The following ACAD10 variants were observed in gnomAD, a reference collection of about 807,000 sequenced individuals.
ACAD10 encodes the protein ACAD-10.
In ACAD10, 112 loss-of-function variants were observed where a neutral mutation model predicts 116.8. The observed-to-expected ratio is 0.96, with a 90% CI of 0.82 to 1.12. ACAD10 has a LOEUF of 1.12. Ranked by LOEUF, ACAD10 falls within the 50% of genes most tolerant of loss-of-function variation. The pLI is 0.00. For missense variants in ACAD10, 1,259 were observed against 1,350.2 expected, an observed-to-expected ratio of 0.93 and a Z score of 1.06; for synonymous variants, 486 against 510.6, an observed-to-expected ratio of 0.95 and a Z score of 0.65.
At chr12:111,708,361 G>A (rs1888571382) in intron 4 of ACAD10, among the ~76,000 whole-genome samples, 1 of 151,988 alleles carries the variant, frequency 6.6e-6, no homozygotes, top group African/African-American at 2.4e-5. Context: ...TCTTGTCTCA[G>A]CCAGTACAGC....
intron 8 of ACAD10, among the ~76,000 whole-genome samples, chr12:111,726,159 C>T: frequency 6.6e-6 from 1 of 152,080 alleles, no homozygotes; most frequent in East Asian, 1.9e-4. Context: ...GAGGCTGAAG[C>T]AGGAGAATCA....
intron 2 of ACAD10, among the ~76,000 whole-genome samples, chr12:111,698,082 T>C (rs1888241545): frequency 6.6e-6 from 1 of 151,034 alleles, no homozygotes; most frequent in African/African-American, 2.4e-5. Context: ...GTAACCTCTG[T>C]CTCCCTGGTT....
chr12:111,701,803 T>G (rs899865729), intron 2 of ACAD10, among the ~76,000 whole-genome samples: 1 of 152,232 alleles, frequency 6.6e-6, no homozygotes, highest in Non-Finnish European at 1.5e-5. Context: ...AGGATCTGGC[T>G]TCTTCCTTCA....
At chr12:111,750,397 G>A (rs1003569941) in intron 18 of ACAD10, among the ~76,000 whole-genome samples, 15 of 152,068 alleles carry the variant, frequency 9.9e-5, no homozygotes, top group East Asian at 7.7e-4. Flanking sequence ...TGGGATTACC[G>A]GCGTGAGCCA....
In ACAD10 at chr12:111,736,897, G is replaced by A; in HGVS notation, c.1607G>A (p.Cys536Tyr). The A allele has an allele frequency of 1.2e-6, 2 of 1,614,174 alleles. No homozygotes were observed. Among genetic ancestry groups the A allele is most frequent in the Non-Finnish European group, 8.5e-7 (1 of 1,180,022 alleles). The change falls in exon 12 of 21, where the codon TGT (cysteine) becomes TAT (tyrosine). Residue 536 changes from cysteine to tyrosine, a missense_variant. Cys to Tyr is a radical substitution (Grantham distance 194). Coordinates refer to ENST00000313698, the MANE Select transcript of ACAD10 (RefSeq NM_025247.6). ...GCAGAGGAGTATTTCAGGATGTACT[G>A]TCTCCAAATGGGGCTCCCTCCCACT... ...PAAEEYFRMY[C>Y]LQMGLPPTEN... is the part of the protein sequence containing the mutation.
At chr12:111,720,846 C>T (rs1888995191) in intron 7 of ACAD10, among the ~76,000 whole-genome samples, 1 of 151,746 alleles carries the variant, frequency 6.6e-6, no homozygotes, top group South Asian at 2.1e-4. Flanking sequence ...CACAGTGGAG[C>T]GATCTTGGCT....
At chr12:111,730,091 C>A in intron 10 of ACAD10, 135 bp downstream of exon 10, 1 of 1,293,814 alleles carries the variant, frequency 7.7e-7, no homozygotes. Flanking sequence ...GTGGCCTTTT[C>A]AGGCAGGGTT....
At chr12:111,749,396 C>A in intron 18 of ACAD10, 51 bp downstream of exon 18, 5 of 1,570,184 alleles carry the variant, frequency 3.2e-6, no homozygotes, top group Non-Finnish European at 4.3e-6. Flanking sequence ...CCACCTTCTG[C>A]TTTGCTGTCG....
chr12:111,725,229 C>T (rs572267500), intron 8 of ACAD10, among the ~76,000 whole-genome samples: 25 of 151,976 alleles, frequency 1.6e-4, no homozygotes, highest in Non-Finnish European at 2.4e-4. Flanking sequence ...AGACATTGAC[C>T]GGGCATAGTG....
At position 111,735,183 on chromosome 12, in the gene ACAD10, C is replaced by T. The variant is rs923344015; in HGVS notation, c.1540+1115C>T. ...AGCTTGCAATGAGCTGAGATGGCGCCACTGCACTCGAGCCTAGGCAACAGA... is the reference window on the plus strand; with the variant it reads ...AGCTTGCAATGAGCTGAGATGGCGCTACTGCACTCGAGCCTAGGCAACAGA... On this transcript the variant is annotated intron_variant, in intron 11 of 20. Coordinates refer to ENST00000313698, the MANE Select transcript of ACAD10 (RefSeq NM_025247.6). Among the ~76,000 whole-genome samples the T allele has an allele frequency of 8.2e-5, 12 of 147,218 alleles. 1 individual carries two copies. The highest frequency in any genetic ancestry group is 6.8e-4 in the Admixed American group (10 of 14,660).
chr12:111,751,315 T>A (rs1566170004), intron 18 of ACAD10, among the ~76,000 whole-genome samples: 1 of 151,146 alleles, frequency 6.6e-6, no homozygotes, highest in East Asian at 1.9e-4. Flanking sequence ...CACTTAAATT[T>A]AAAAAAAAAG....
At chr12:111,725,025 AG>A (rs1639102430) in intron 8 of ACAD10, among the ~76,000 whole-genome samples, 1 of 152,220 alleles carries the variant, frequency 6.6e-6, no homozygotes, top group Non-Finnish European at 1.5e-5. Context: ...AGGTGAAAGA[AG>A]AAAAACTAAT....
At chr12:111,706,522 T>A (rs1385610683) in intron 4 of ACAD10, among the ~76,000 whole-genome samples, 1 of 152,130 alleles carries the variant, frequency 6.6e-6, no homozygotes, top group Non-Finnish European at 1.5e-5. Context: ...CAATCTCAGC[T>A]CACTGCAACC....
chr12:111,715,716 A>G lies in ACAD10; in HGVS notation c.851-105A>G. ...CTTTTCTTGCACTGCATGGCAGATG[A>G]GGATATTTTGAAGCCCAAATGCAGA... is the stretch of plus-strand genomic sequence containing the variant. On this transcript the variant is annotated intron_variant, in intron 6 of 20. Transcript: ENST00000313698. 3 of 1,488,682 alleles carry G rather than the reference A, an allele frequency of 2.0e-6. No homozygotes were observed. In the Admixed American group the frequency reaches 5.5e-5, roughly 27 times the overall value. The allele number at this position is 1,488,682 out of a possible 1,614,324, so 92.2% of individuals were successfully genotyped here.
chr12:111,721,704 T>C lies in ACAD10; in HGVS notation c.1026T>C (p.Pro342=), dbSNP rs776190717. 2 of 1,604,986 alleles carry C rather than the reference T, an allele frequency of 1.2e-6. No individual in the cohort carries two copies. Among genetic ancestry groups the C allele is most frequent in the South Asian group, 2.2e-5 (2 of 90,270 alleles). ...AAGCCCTTGCAAATGCTGGAGTACC[T>C]GTCCCTAACGTTCTTGATCTCTGTG... ...IMKALANAGV[P]VPNVLDLCED... Residue 342 remains proline, a synonymous_variant, in exon 8 of 21, where the codon CCT becomes CCC. Coordinates refer to ENST00000313698, the MANE Select transcript of ACAD10 (RefSeq NM_025247.6).
At chr12:111,721,858 C>G (rs1472076768) in intron 8 of ACAD10, 119 bp downstream of exon 8, 1 of 714,986 alleles carries the variant, frequency 1.4e-6, no homozygotes, top group Non-Finnish European at 2.2e-6. Context: ...GGAAAAGAAA[C>G]TTTATCACAA....
intron 1 of ACAD10, 153 bp downstream of exon 1, chr12:111,686,392 G>A (rs1346278616): frequency 6.6e-6 from 1 of 152,434 alleles, no homozygotes; most frequent in South Asian, 2.1e-4. Context: ...TCCTTCTAAG[G>A]GGCCGTAGAG....
chr12:111,748,695 C>T (rs1340507351), intron 17 of ACAD10: 1 of 627,694 alleles, frequency 1.6e-6, no homozygotes, highest in African/African-American at 1.8e-5. Flanking sequence ...CTCTTCTAAA[C>T]TTAGAAAGTA....
chr12:111,728,347 TAC>T (rs1311908383), intron 9 of ACAD10, among the ~76,000 whole-genome samples: 1 of 152,200 alleles, frequency 6.6e-6, no homozygotes, highest in Non-Finnish European at 1.5e-5. Context: ...CTTTATGAAC[TAC>T]ACAGTCTTTC....
Sources: gnomAD v4.1 joint callset for allele counts (sites outside exome capture counted in the v4.1 genomes callset) on GRCh38, gnomAD v4.1.1 for gene constraint, MANE v1.5 for transcripts, NCBI Gene and HGNC (gene_info 2026-07-23, HGNC 2026-07-21) for gene names.